Variants in GRIA4 observed in about 807,000 individuals in gnomAD.
GRIA4 encodes glutamate ionotropic receptor AMPA type subunit 4.
In GRIA4, 34 loss-of-function variants were observed where a neutral mutation model predicts 104.0. The observed-to-expected ratio is 0.33, with a 90% CI of 0.25 to 0.44. The LOEUF (loss-of-function observed/expected upper bound fraction) is 0.44, where lower values mean the gene tolerates loss of function less well. GRIA4 is among the 20% of genes least tolerant of loss of function. The probability of loss-of-function intolerance (pLI) is 1.00; values close to 1 mark genes in which losing one functional copy is unlikely to be tolerated. For synonymous variants in GRIA4, 386 were observed against 381.9 expected (o/e 1.01, Z -0.13); for missense variants, 750 against 1,096.5 (o/e 0.68, Z 4.46).
At chr11:105,654,464 C>T (rs893679527) in intron 3 of GRIA4, among the ~76,000 whole-genome samples, 1 of 151,596 alleles carries the variant, frequency 6.6e-6, no homozygotes, top group Non-Finnish European at 1.5e-5. Context: ...AAGAACAATA[C>T]TTTTTTATCT....
At chr11:105,898,182 T>C in intron 6 of GRIA4, 87 bp from the exon 7 acceptor site, 1 of 602,168 alleles carries the variant, frequency 1.7e-6, no homozygotes. Context: ...TCTTTTAATA[T>C]GTATAGGTTA....
chr11:105,887,653 T>C (rs994581877), intron 6 of GRIA4, 81 bp downstream of exon 6: 1 of 733,438 alleles, frequency 1.4e-6, no homozygotes, highest in African/African-American at 1.8e-5. Flanking sequence ...AAATAATGCT[T>C]CAATAAATAG....
At chr11:105,725,292 C>T (rs1938124606) in intron 3 of GRIA4, among the ~76,000 whole-genome samples, 1 of 152,098 alleles carries the variant, frequency 6.6e-6, no homozygotes, top group African/African-American at 2.4e-5. Context: ...TCTAAGTATT[C>T]TCAGAATATT....
intron 4 of GRIA4, among the ~76,000 whole-genome samples, chr11:105,794,473 GTATATATATATATATA>G (rs71041629): frequency 5.7e-4 from 25 of 43,868 alleles, no homozygotes; most frequent in East Asian, 2.8e-3. Context: ...GTATATGTAT[GTATATATATATATATA>G]TATATATATA....
intron 16 of GRIA4, 28 bp downstream of exon 16, chr11:105,974,472 C>A (rs770435178): frequency 1.2e-6 from 2 of 1,613,618 alleles, no homozygotes; most frequent in East Asian, 4.5e-5. Context: ...GACTTTTAAC[C>A]CAACTTCCTC....
At chr11:105,628,173 A>G (rs963832510) in intron 3 of GRIA4, among the ~76,000 whole-genome samples, 2 of 152,204 alleles carry the variant, frequency 1.3e-5, no homozygotes, top group African/African-American at 4.8e-5. Flanking sequence ...TTTGCAAGAT[A>G]TGGTTATTCC....
At chr11:105,625,421 G>A (rs778837441) in intron 3 of GRIA4, among the ~76,000 whole-genome samples, 24 of 152,058 alleles carry the variant, frequency 1.6e-4, no homozygotes, top group African/African-American at 3.4e-4. Flanking sequence ...ACTCACACTC[G>A]TCACATTTTT....
At chr11:105,634,813 TA>T (rs760742487) in intron 3 of GRIA4, among the ~76,000 whole-genome samples, 2 of 152,196 alleles carry the variant, frequency 1.3e-5, no homozygotes, top group African/African-American at 2.4e-5. Context: ...ATTTTGAAAA[TA>T]AAACATTGTC....
In GRIA4 at chr11:105,824,971, T is replaced by C. The variant is rs76473784; in HGVS notation, c.488-37053T>C. 2.1e-3 allele frequency among the ~76,000 whole-genome samples: 327 copies of C among 152,182 alleles called. 3 individuals carry two copies. Among genetic ancestry groups the C allele is most frequent in the African/African-American group, 7.3e-3 (303 of 41,550 alleles). On this transcript the variant is annotated intron_variant, in intron 4 of 16. Coordinates refer to ENST00000282499, the MANE Select transcript of GRIA4 (RefSeq NM_000829.4). Reference sequence around the variant, plus strand: ...GATTCCAGTCAGTCTCATCAGAGAATGGTCTTTTCTCCATTGTTAGTCACT... The same window carrying C: ...GATTCCAGTCAGTCTCATCAGAGAACGGTCTTTTCTCCATTGTTAGTCACT...
intron 4 of GRIA4, among the ~76,000 whole-genome samples, chr11:105,797,493 G>A (rs143377582): frequency 2.0e-5 from 3 of 152,060 alleles, no homozygotes; most frequent in South Asian, 2.1e-4. Context: ...AAATTACCAC[G>A]CCCTAAAATC....
intron 3 of GRIA4, among the ~76,000 whole-genome samples, chr11:105,649,432 T>G (rs547992711): frequency 3.3e-5 from 5 of 152,294 alleles, no homozygotes; most frequent in Non-Finnish European, 5.9e-5. Context: ...GGCTTTTGAT[T>G]TTGTCTTAAA....
At chr11:105,938,093 T>C (rs1241321906) in intron 14 of GRIA4, among the ~76,000 whole-genome samples, 4 of 151,978 alleles carry the variant, frequency 2.6e-5, no homozygotes, top group Admixed American at 1.3e-4. Flanking sequence ...TAGATCTACA[T>C]TGGAGTGAGT....
chr11:105,730,192 C>G (rs60507310), intron 3 of GRIA4, among the ~76,000 whole-genome samples: 5,206 of 152,214 alleles, frequency 0.034, 205 homozygotes, highest in African/African-American at 0.091. Context: ...TCTCAGGATA[C>G]AAAATCAATG....
chr11:105,808,050 T>C (rs1943022225), intron 4 of GRIA4, among the ~76,000 whole-genome samples: 1 of 152,008 alleles, frequency 6.6e-6, no homozygotes, highest in Non-Finnish European at 1.5e-5. Context: ...TTTATTTCTT[T>C]GTAATATATT....
At position 105,728,103 on chromosome 11, in the gene GRIA4, T is replaced by C. The variant is rs189824866; in HGVS notation, c.248-24878T>C. Reference sequence around the variant, plus strand: ...TGGCAAACTGGATAGAATCAAGACCTATCAGTGTGCTGTATTCAGGAGACC... The same window carrying C: ...TGGCAAACTGGATAGAATCAAGACCCATCAGTGTGCTGTATTCAGGAGACC... On this transcript the variant is annotated intron_variant, in intron 3 of 16. Coordinates refer to ENST00000282499, the MANE Select transcript of GRIA4 (RefSeq NM_000829.4). Among the ~76,000 whole-genome samples the C allele has an allele frequency of 2.6e-3, 392 of 152,238 alleles. 2 individuals carry two copies. The highest frequency in any genetic ancestry group is 7.8e-3 in the Admixed American group (119 of 15,280).
intron 3 of GRIA4, among the ~76,000 whole-genome samples, chr11:105,653,596 C>T (rs7129127): frequency 0.98 from 150,021 of 152,316 alleles, 73,923 homozygotes; most frequent in Middle Eastern, 1. Flanking sequence ...AAAAGTTAAG[C>T]CTCAGATAAG....
chr11:105,664,085 A>G (rs1952092944), intron 3 of GRIA4, among the ~76,000 whole-genome samples: 1 of 147,376 alleles, frequency 6.8e-6, no homozygotes, highest in African/African-American at 2.5e-5. Context: ...CTCAACAAAT[A>G]ATATGTTGAG....
At chr11:105,667,309 A>G (rs1418697495) in intron 3 of GRIA4, among the ~76,000 whole-genome samples, 1 of 152,034 alleles carries the variant, frequency 6.6e-6, no homozygotes, top group Non-Finnish European at 1.5e-5. Context: ...GTAAGAGATG[A>G]TAACTAAAAA....
At chr11:105,928,871 A>G (rs1363613904) in intron 13 of GRIA4, among the ~76,000 whole-genome samples, 1 of 152,116 alleles carries the variant, frequency 6.6e-6, no homozygotes, top group African/African-American at 2.4e-5. Flanking sequence ...GGTAGATAAG[A>G]GAATATATTA....
Sources: gnomAD v4.1 joint callset for allele counts (sites outside exome capture counted in the v4.1 genomes callset) on GRCh38, gnomAD v4.1.1 for gene constraint, MANE v1.5 for transcripts, NCBI Gene and HGNC (gene_info 2026-07-23, HGNC 2026-07-21) for gene names.